ALK: variants seen among roughly 807,000 people sequenced by gnomAD.
The protein encoded by ALK is ALK tyrosine kinase receptor.
In ALK, 74 loss-of-function variants were observed where a neutral mutation model predicts 163.1. The observed-to-expected ratio is 0.45, with a 90% CI of 0.38 to 0.55. ALK has a LOEUF of 0.55. Ranked by LOEUF, ALK falls within the 20% of genes least tolerant of loss-of-function variation. The pLI, the probability that ALK is intolerant of heterozygous loss-of-function variation, is 0.00. For synonymous variants in ALK, 960 were observed against 843.2 expected, an observed-to-expected ratio of 1.14 and a Z score of -2.40; for missense variants, 2,063 against 2,105.3, an observed-to-expected ratio of 0.98 and a Z score of 0.39.
At chr2:29,578,163 C>T (rs112885154) in intron 3 of ALK, among the ~76,000 whole-genome samples, 82 of 152,262 alleles carry the variant, frequency 5.4e-4, no homozygotes, top group African/African-American at 1.8e-3. Flanking sequence ...ATAAGTCTCA[C>T]GAGATCTGAT....
intron 1 of ALK, among the ~76,000 whole-genome samples, chr2:29,741,046 T>C (rs1242448953): frequency 1.3e-5 from 2 of 152,074 alleles, no homozygotes; most frequent in South Asian, 2.1e-4. Context: ...TATCAAGCCA[T>C]GAAAGACATG....
intron 1 of ALK, among the ~76,000 whole-genome samples, chr2:29,757,442 C>T (rs1680567046): frequency 6.6e-6 from 1 of 152,206 alleles, no homozygotes; most frequent in African/African-American, 2.4e-5. Context: ...AGAGCTCATA[C>T]TCCTGCTATA....
chr2:29,602,886 C>T (rs901645073), intron 3 of ALK, among the ~76,000 whole-genome samples: 1 of 152,172 alleles, frequency 6.6e-6, no homozygotes, highest in African/African-American at 2.4e-5. Context: ...ATCCTGAGAA[C>T]ATGTGCCCAA....
intron 3 of ALK, among the ~76,000 whole-genome samples, chr2:29,547,938 A>C (rs1474468470): frequency 6.6e-6 from 1 of 152,256 alleles, no homozygotes; most frequent in African/African-American, 2.4e-5. Context: ...TATATCTTAA[A>C]TATCGCATGA....
At chr2:29,842,809 A>T (rs1021794176) in intron 1 of ALK, among the ~76,000 whole-genome samples, 11 of 152,202 alleles carry the variant, frequency 7.2e-5, no homozygotes, top group African/African-American at 2.7e-4. Context: ...GCAAACATCC[A>T]TTCCAGCACC....
chr2:29,497,748 G>C (rs1185399400), intron 4 of ALK, among the ~76,000 whole-genome samples: 1 of 152,050 alleles, frequency 6.6e-6, no homozygotes, highest in Non-Finnish European at 1.5e-5. Flanking sequence ...AAATCATATT[G>C]TTTCGGTCAT....
intron 4 of ALK, among the ~76,000 whole-genome samples, chr2:29,455,242 T>A (rs191188918): frequency 8.1e-4 from 124 of 152,320 alleles, no homozygotes; most frequent in African/African-American, 2.9e-3. Context: ...AGAGGGACTG[T>A]CAGCAGACTG....
At chr2:29,854,845 T>C (rs1383885581) in intron 1 of ALK, among the ~76,000 whole-genome samples, 1 of 152,228 alleles carries the variant, frequency 6.6e-6, no homozygotes, top group Middle Eastern at 3.2e-3. Context: ...CCAATATAAA[T>C]TCATTGATGT....
At chr2:29,257,521 C>T (rs996216027) in intron 11 of ALK, among the ~76,000 whole-genome samples, 1 of 152,082 alleles carries the variant, frequency 6.6e-6, no homozygotes, top group African/African-American at 2.4e-5. Context: ...ATTACTGTTG[C>T]TAAACAATCT....
intron 19 of ALK, chr2:29,223,943 C>T (rs62130585): frequency 1.6e-5 from 5 of 308,136 alleles, no homozygotes; most frequent in Middle Eastern, 9.7e-4. Flanking sequence ...CCCACGTGAA[C>T]GAGGGAGGGA....
chr2:29,725,563 C>T (rs886777039), intron 1 of ALK, among the ~76,000 whole-genome samples: 7 of 151,958 alleles, frequency 4.6e-5, no homozygotes, highest in South Asian at 2.1e-4. Flanking sequence ...ATGTTAATGA[C>T]GATGGATTGT....
chr2:29,666,701 C>T (rs953098644), intron 3 of ALK, among the ~76,000 whole-genome samples: 2 of 152,026 alleles, frequency 1.3e-5, no homozygotes, highest in African/African-American at 4.8e-5. Context: ...AAGCAAGTAA[C>T]TTATTCTTTT....
At chr2:29,574,068 A>AT (rs1674455106) in intron 3 of ALK, among the ~76,000 whole-genome samples, 1 of 151,238 alleles carries the variant, frequency 6.6e-6, no homozygotes, top group Non-Finnish European at 1.5e-5. Context: ...AAAAAAATAA[A>AT]AAAAAAAATG....
intron 12 of ALK, among the ~76,000 whole-genome samples, chr2:29,247,897 T>C (rs1664725610): frequency 6.6e-6 from 1 of 152,190 alleles, no homozygotes; most frequent in Non-Finnish European, 1.5e-5. Flanking sequence ...GTGCATCTTG[T>C]GTTTTTTTCA....
At chr2:29,603,283 A>C (rs567501131) in intron 3 of ALK, among the ~76,000 whole-genome samples, 1 of 152,318 alleles carries the variant, frequency 6.6e-6, no homozygotes, top group East Asian at 1.9e-4. Context: ...GTAGACAGGG[A>C]AGGGGATTCT....
At chr2:29,293,052 A>G (rs563171557) in intron 9 of ALK, among the ~76,000 whole-genome samples, 80 of 152,346 alleles carry the variant, frequency 5.3e-4, no homozygotes, top group Non-Finnish European at 9.4e-4. Flanking sequence ...AGAGACAAAG[A>G]AAGCACAGGT....
intron 5 of ALK, among the ~76,000 whole-genome samples, chr2:29,352,645 A>G (rs1158404071): frequency 5.3e-5 from 8 of 152,226 alleles, no homozygotes; most frequent in Non-Finnish European, 1.0e-4. Flanking sequence ...GTGGTCAGTG[A>G]GCAGGCACTT....
intron 5 of ALK, among the ~76,000 whole-genome samples, chr2:29,332,997 C>T (rs1573244704): frequency 6.6e-6 from 1 of 152,338 alleles, no homozygotes; most frequent in African/African-American, 2.4e-5. Flanking sequence ...ACAGGCACAT[C>T]CCTCATACTA....
intron 3 of ALK, among the ~76,000 whole-genome samples, chr2:29,572,792 T>C (rs545044446): frequency 2.0e-5 from 3 of 152,238 alleles, no homozygotes; most frequent in African/African-American, 7.2e-5. Flanking sequence ...CTTGGGAAAA[T>C]GCCCCTCATC....
Sources: allele counts gnomAD v4.1 joint callset (sites outside exome capture counted in the v4.1 genomes callset), GRCh38; gene constraint gnomAD v4.1.1; transcripts MANE v1.5; gene names NCBI Gene and HGNC (gene_info 2026-07-23, HGNC 2026-07-21).